USP40: variants seen among roughly 807,000 people sequenced by gnomAD.
USP40 encodes the protein ubiquitin carboxyl-terminal hydrolase 40.
In USP40, 143 loss-of-function variants were observed where a neutral mutation model predicts 166.2. That is an observed-to-expected ratio of 0.86 (90% CI 0.75 to 0.99). The LOEUF is 0.99. USP40 is among the 50% of genes least tolerant of loss of function. The probability of loss-of-function intolerance (pLI) is 0.00; values close to 1 mark genes in which losing one functional copy is unlikely to be tolerated. For synonymous variants in USP40, 498 were observed against 524.0 expected (o/e 0.95, Z 0.68); for missense variants, 1,444 against 1,479.7 (o/e 0.98, Z 0.40).
At chr2:233,543,197 T>A (rs1456442429) in intron 8 of USP40, among the ~76,000 whole-genome samples, 1 of 152,190 alleles carries the variant, frequency 6.6e-6, no homozygotes, top group Admixed American at 6.5e-5. Flanking sequence ...TAAATGGACT[T>A]AAAACCAGAA....
Position 233,533,783 on chromosome 2 carries a change from C to T in USP40, c.1171-4G>A, listed in dbSNP as rs1340170116. On this transcript the variant is annotated splice_polypyrimidine_tract_variant and splice_region_variant and intron_variant, in intron 10 of 31. Coordinates refer to ENST00000678225, the MANE Select transcript of USP40 (RefSeq NM_001365479.2). ...TCTGAGAATGGAGCTGTAAGAACTA[C>T]ACAGAAACAAAAAAAAAAATGCTAA... 3.5e-6 allele frequency: 5 copies of T among 1,444,106 alleles called. No individual in the cohort carries two copies. The highest frequency in any genetic ancestry group is 3.6e-6 in the Non-Finnish European group (4 of 1,105,170). The allele number at this position is 1,444,106 out of a possible 1,614,324, so 89.5% of individuals were successfully genotyped here.
At chr2:233,507,059 C>T (rs1021880612) in intron 21 of USP40, among the ~76,000 whole-genome samples, 1 of 151,876 alleles carries the variant, frequency 6.6e-6, no homozygotes, top group South Asian at 2.1e-4. Context: ...CCAACAGGTA[C>T]GCACACAAAA....
intron 21 of USP40, among the ~76,000 whole-genome samples, chr2:233,503,267 C>T (rs879355596): frequency 2.6e-5 from 4 of 152,142 alleles, no homozygotes; most frequent in Non-Finnish European, 4.4e-5. Context: ...AGAAAGCCTA[C>T]AGGACCAACA....
chr2:233,554,103 C>T (rs143838439), intron 6 of USP40, among the ~76,000 whole-genome samples: 12 of 152,214 alleles, frequency 7.9e-5, no homozygotes, highest in African/African-American at 2.9e-4. Context: ...ATATATACAA[C>T]TTTTTTCACA....
Position 233,486,565 on chromosome 2 carries a change from A to C in USP40, c.3198-588T>G, listed in dbSNP as rs2064962880. 6.6e-6 allele frequency among the ~76,000 whole-genome samples: 1 copy of C among 152,216 alleles called. No individual in the cohort carries two copies. The highest frequency in any genetic ancestry group is 2.1e-4 in the South Asian group (1 of 4,828). On this transcript the variant is annotated intron_variant, in intron 28 of 31. Coordinates refer to ENST00000678225, the MANE Select transcript of USP40 (RefSeq NM_001365479.2). This position sits in a 1 kb window ranked among gnomAD's most constrained non-coding sequence, Gnocchi z 4.0. ...GGAACAGGGACGTGCAGAGGTCAGCACAGGCCATGGAGGAAAAGCTATAGA... is the reference window on the plus strand; with the variant it reads ...GGAACAGGGACGTGCAGAGGTCAGCCCAGGCCATGGAGGAAAAGCTATAGA...
chr2:233,511,759 T>G lies in USP40; in HGVS notation c.2476A>C (p.Met826Leu). ...SYTLKEAELKMGSSLGLCLGK... is the reference protein window; with the variant it reads ...SYTLKEAELKLGSSLGLCLGK... ...AGACACAGTCCCAATGAACTTCCCATCTTCAATTCTGCTTCCTTCAAAGTA... is the reference window on the plus strand; with the variant it reads ...AGACACAGTCCCAATGAACTTCCCAGCTTCAATTCTGCTTCCTTCAAAGTA... Residue 826 changes from methionine (M) to leucine (L), a missense_variant, in exon 20 of 32, where the codon ATG becomes CTG. Physicochemically the swap from Met to Leu is conservative, Grantham distance 15. Coordinates refer to ENST00000678225, the MANE Select transcript of USP40 (RefSeq NM_001365479.2). 6.2e-7 allele frequency: 1 copy of G among 1,612,300 alleles called. No individual in the cohort carries two copies. Among genetic ancestry groups the G allele is most frequent in the Non-Finnish European group, 8.5e-7 (1 of 1,179,262 alleles).
At chr2:233,501,832 A>G (rs1057508536) in intron 21 of USP40, among the ~76,000 whole-genome samples, 7 of 152,220 alleles carry the variant, frequency 4.6e-5, no homozygotes, top group African/African-American at 1.7e-4. Flanking sequence ...TGATTGTTAG[A>G]CAACCAAGTG....
chr2:233,543,418 T>C (rs1490246616), intron 8 of USP40, among the ~76,000 whole-genome samples: 1 of 152,148 alleles, frequency 6.6e-6, no homozygotes, highest in Non-Finnish European at 1.5e-5. Flanking sequence ...GAAATGGGAA[T>C]GTGGGGAAGA....
chr2:233,510,220 G>C (rs368853281), intron 20 of USP40, 85 bp from the exon 21 acceptor site: 1 of 1,002,560 alleles, frequency 1.0e-6, no homozygotes, highest in East Asian at 2.6e-5. Flanking sequence ...AAAATGTAAA[G>C]CCAAGGGCCC....
chr2:233,559,214 TCAAA>T (rs2071363358), intron 4 of USP40, among the ~76,000 whole-genome samples: 1 of 152,038 alleles, frequency 6.6e-6, no homozygotes, highest in African/African-American at 2.4e-5. Flanking sequence ...CTTTTAGAAC[TCAAA>T]CAGGAAAGTG....
In USP40 at chr2:233,479,302, C is replaced by T. The variant is rs549980237; in HGVS notation, c.3600-1799G>A. On this transcript the variant is annotated intron_variant, in intron 31 of 31. Transcript: ENST00000678225. ...AAACAGAGCCAGGCGCGGTGGCTCACGCCTGTAATCCCAGTACTTTGGGAG... is the reference window on the plus strand; with the variant it reads ...AAACAGAGCCAGGCGCGGTGGCTCATGCCTGTAATCCCAGTACTTTGGGAG... 1.8e-4 allele frequency among the ~76,000 whole-genome samples: 28 copies of T among 152,300 alleles called. No individual in the cohort carries two copies. In the East Asian group the frequency reaches 2.1e-3, roughly 12 times the overall value.
At chr2:233,511,237 T>C (rs1478961461) in intron 20 of USP40, among the ~76,000 whole-genome samples, 2 of 152,216 alleles carry the variant, frequency 1.3e-5, no homozygotes, top group African/African-American at 4.8e-5. Context: ...GGGAGGCTGC[T>C]CTGAGACTAT....
chr2:233,497,031 G>A (rs1482292169), intron 23 of USP40, among the ~76,000 whole-genome samples, 199 bp from the exon 24 acceptor site: 1 of 152,208 alleles, frequency 6.6e-6, no homozygotes, highest in Non-Finnish European at 1.5e-5. Context: ...TAAGCTGTAA[G>A]TCTGACAGAA....
intron 13 of USP40, among the ~76,000 whole-genome samples, chr2:233,526,084 C>A (rs1490662298): frequency 1.3e-5 from 2 of 152,180 alleles, no homozygotes; most frequent in African/African-American, 4.8e-5. Flanking sequence ...AGAGTCTGAG[C>A]ACTGTGGCAA....
intron 10 of USP40, among the ~76,000 whole-genome samples, chr2:233,539,012 G>C (rs1182718173): frequency 5.9e-5 from 9 of 152,100 alleles, no homozygotes; most frequent in African/African-American, 2.2e-4. Context: ...CTGAGTGACA[G>C]AGCAAAACTC....
intron 21 of USP40, among the ~76,000 whole-genome samples, chr2:233,503,785 G>A (rs1392650844): frequency 6.6e-6 from 1 of 152,056 alleles, no homozygotes; most frequent in African/African-American, 2.4e-5. Context: ...CACTACAACT[G>A]GAAACAAAAG....
intron 9 of USP40, among the ~76,000 whole-genome samples, chr2:233,541,046 T>G (rs1267239710): frequency 6.6e-6 from 1 of 152,182 alleles, no homozygotes; most frequent in African/African-American, 2.4e-5. Context: ...TTCCCAACAT[T>G]AAAAAGGAAT....
intron 18 of USP40, among the ~76,000 whole-genome samples, chr2:233,513,509 T>C (rs1229539101): frequency 1.3e-5 from 2 of 152,148 alleles, no homozygotes; most frequent in Admixed American, 6.5e-5. Context: ...ATGTGATGAA[T>C]TGTGCCCTGA....
intron 18 of USP40, among the ~76,000 whole-genome samples, chr2:233,518,304 T>C (rs1357851883): frequency 3.7e-5 from 5 of 135,138 alleles, no homozygotes; most frequent in African/African-American, 1.4e-4. Context: ...CAGTGTCTCA[T>C]GCCTGTAATC....
Sources: gnomAD v4.1 joint callset for allele counts (sites outside exome capture counted in the v4.1 genomes callset) on GRCh38, gnomAD v4.1.1 for gene constraint, Gnocchi (gnomAD v3.1) non-coding constraint, MANE v1.5 for transcripts, NCBI Gene and HGNC (gene_info 2026-07-23, HGNC 2026-07-21) for gene names.